CPNE8: variants seen among roughly 807,000 people sequenced by gnomAD.
CPNE8 encodes the protein copine-8.
CPNE8 carries 45 observed loss-of-function variants against 81.5 expected under a neutral mutation model. The observed-to-expected ratio is 0.55, with a 90% CI of 0.44 to 0.71. The LOEUF (loss-of-function observed/expected upper bound fraction) is 0.71, where lower values mean the gene tolerates loss of function less well. Among genes scored for constraint, CPNE8 ranks in the 30% least tolerant of loss-of-function variants. CPNE8 has a pLI of 0.00. For missense variants in CPNE8, 594 were observed against 672.1 expected, an observed-to-expected ratio of 0.88 and a Z score of 1.28; for synonymous variants, 252 against 226.3, an observed-to-expected ratio of 1.11 and a Z score of -1.02.
chr12:38,723,116 T>C (rs1024745560), intron 13 of CPNE8, among the ~76,000 whole-genome samples: 23 of 152,218 alleles, frequency 1.5e-4, no homozygotes, highest in African/African-American at 5.5e-4. Flanking sequence ...TTTATAGCAG[T>C]GTGAGAACAG....
intron 11 of CPNE8, among the ~76,000 whole-genome samples, chr12:38,728,008 T>G (rs1940743487): frequency 6.6e-6 from 1 of 152,174 alleles, no homozygotes; most frequent in Admixed American, 6.5e-5. Flanking sequence ...AGCAAAGACT[T>G]CAGCAGCCCA....
At chr12:38,763,507 G>A (rs747507857) in intron 8 of CPNE8, among the ~76,000 whole-genome samples, 2 of 152,152 alleles carry the variant, frequency 1.3e-5, no homozygotes, top group Non-Finnish European at 2.9e-5. Context: ...TAGTGTGTGG[G>A]TTCTTTCTTT....
intron 6 of CPNE8, among the ~76,000 whole-genome samples, chr12:38,797,383 T>C (rs1389706814): frequency 6.6e-6 from 1 of 152,132 alleles, no homozygotes; most frequent in Non-Finnish European, 1.5e-5. Context: ...GCAGCATTCG[T>C]GTTTCACGAA....
intron 1 of CPNE8, among the ~76,000 whole-genome samples, chr12:38,878,173 C>A (rs1188130726): frequency 2.6e-5 from 4 of 152,166 alleles, no homozygotes; most frequent in Admixed American, 2.6e-4. Flanking sequence ...AACCAGCAGC[C>A]CTCGGCACTC....
intron 11 of CPNE8, among the ~76,000 whole-genome samples, chr12:38,725,115 T>C (rs747644123): frequency 3.9e-5 from 6 of 152,204 alleles, no homozygotes; most frequent in Non-Finnish European, 8.8e-5. Context: ...GTCTGTAATA[T>C]TCTTCTCACC....
chr12:38,862,627 T>A (rs1358182754), intron 3 of CPNE8, among the ~76,000 whole-genome samples: 1 of 152,092 alleles, frequency 6.6e-6, no homozygotes, highest in African/African-American at 2.4e-5. Flanking sequence ...TGACTGACAA[T>A]ACCTGTTAAG....
intron 3 of CPNE8, among the ~76,000 whole-genome samples, chr12:38,865,217 GAAAACCAT>G (rs1245820631): frequency 7.9e-5 from 12 of 152,270 alleles, no homozygotes; most frequent in African/African-American, 2.4e-4. Flanking sequence ...GAAAGTTATG[GAAAACCAT>G]TTGGCAGTAT....
At chr12:38,721,533 T>A (rs1446204444) in intron 13 of CPNE8, among the ~76,000 whole-genome samples, 1 of 152,208 alleles carries the variant, frequency 6.6e-6, no homozygotes, top group African/African-American at 2.4e-5. Flanking sequence ...CCTCTTCATC[T>A]TGGCTCACCC....
At chr12:38,666,896 G>T (rs902175556) in intron 19 of CPNE8, among the ~76,000 whole-genome samples, 4 of 152,072 alleles carry the variant, frequency 2.6e-5, no homozygotes, top group African/African-American at 7.2e-5. Flanking sequence ...TTTGTAAAAT[G>T]CAATAATCAA....
intron 14 of CPNE8, among the ~76,000 whole-genome samples, chr12:38,698,957 A>C (rs973741756): frequency 7.9e-5 from 12 of 152,206 alleles, no homozygotes; most frequent in African/African-American, 2.9e-4. Context: ...GATTGCTTTA[A>C]ATAAATTTCA....
At chr12:38,680,920 CAG>C (rs1430806751) in intron 16 of CPNE8, among the ~76,000 whole-genome samples, 4 of 151,436 alleles carry the variant, frequency 2.6e-5, no homozygotes, top group African/African-American at 9.7e-5. Context: ...CAGAAAAAAA[CAG>C]AAAAAAATTA....
Position 38,756,982 on chromosome 12 carries a change from C to T in CPNE8, c.722+3865G>A, listed in dbSNP as rs1364401323. On this transcript the variant is annotated intron_variant, in intron 10 of 19. Coordinates refer to ENST00000331366, the MANE Select transcript of CPNE8 (RefSeq NM_153634.3). ...TATTAAAATGACAATATTCTGGAAA[C>T]ATGGGATTAAATAAAATATATTAGT... Among the ~76,000 whole-genome samples the T allele has an allele frequency of 2.0e-5, 3 of 152,132 alleles. No homozygotes were observed. In the East Asian group the frequency reaches 5.8e-4, roughly 29 times the overall value.
At chr12:38,684,857 TGTC>T (rs1939497254) in intron 16 of CPNE8, among the ~76,000 whole-genome samples, 1 of 152,196 alleles carries the variant, frequency 6.6e-6, no homozygotes, top group African/African-American at 2.4e-5. Context: ...TAAAAAGTGT[TGTC>T]TAATTCATTT....
intron 1 of CPNE8, among the ~76,000 whole-genome samples, chr12:38,888,988 A>G (rs1396309374): frequency 6.6e-6 from 1 of 152,222 alleles, no homozygotes; most frequent in African/African-American, 2.4e-5. Flanking sequence ...AGCACTTTCT[A>G]TATGCAATAC....
chr12:38,687,865 G>A (rs1043305956), intron 15 of CPNE8, among the ~76,000 whole-genome samples: 5 of 152,056 alleles, frequency 3.3e-5, no homozygotes, highest in Non-Finnish European at 5.9e-5. Flanking sequence ...ATAAAAGCCT[G>A]CTTTACATTA....
At chr12:38,716,516 A>G (rs1246447599) in intron 13 of CPNE8, among the ~76,000 whole-genome samples, 1 of 151,974 alleles carries the variant, frequency 6.6e-6, no homozygotes, top group African/African-American at 2.4e-5. Flanking sequence ...GATCTTTGAG[A>G]GCGCATAAAA....
intron 6 of CPNE8, among the ~76,000 whole-genome samples, chr12:38,782,496 A>G (rs1013620233): frequency 2.6e-5 from 4 of 152,154 alleles, no homozygotes; most frequent in Non-Finnish European, 5.9e-5. Context: ...ACTCTCAAGT[A>G]TTTAGAGGAA....
intron 6 of CPNE8, among the ~76,000 whole-genome samples, chr12:38,816,681 A>T (rs533112289): frequency 4.5e-4 from 69 of 152,346 alleles, no homozygotes; most frequent in South Asian, 1.0e-3. Flanking sequence ...ATTTATTTTA[A>T]AAATTGAAAT....
At chr12:38,819,592 C>A (rs916421967) in intron 6 of CPNE8, among the ~76,000 whole-genome samples, 21 of 151,872 alleles carry the variant, frequency 1.4e-4, no homozygotes, top group African/African-American at 4.8e-4. Context: ...ATGGTGAAAC[C>A]CTGTCTCTAC....
Sources: allele counts gnomAD v4.1 joint callset (sites outside exome capture counted in the v4.1 genomes callset), GRCh38; gene constraint gnomAD v4.1.1; transcripts MANE v1.5; gene names NCBI Gene and HGNC (gene_info 2026-07-23, HGNC 2026-07-21).